Variants in KCNMA1 observed in about 807,000 individuals in gnomAD.
The protein encoded by KCNMA1 is potassium calcium-activated channel subfamily M alpha 1, also known as Calcium-activated potassium channel subunit alpha-1.
In KCNMA1, 29 loss-of-function variants were observed where a neutral mutation model predicts 140.0. The ratio of observed to expected loss-of-function variants is 0.21; its 90% CI spans 0.15 to 0.28. The LOEUF (loss-of-function observed/expected upper bound fraction) is 0.28. Among genes scored for constraint, KCNMA1 ranks in the 10% least tolerant of loss-of-function variants. The pLI, the probability that KCNMA1 is intolerant of heterozygous loss-of-function variation, is 1.00. For synonymous variants in KCNMA1, 612 were observed against 611.9 expected, an observed-to-expected ratio of 1.00 and a Z score of 0.00; for missense variants, 880 against 1,602.2, an observed-to-expected ratio of 0.55 and a Z score of 7.70.
chr10:76,961,715 C>T (rs1463110634), intron 20 of KCNMA1, among the ~76,000 whole-genome samples: 5 of 152,224 alleles, frequency 3.3e-5, no homozygotes, highest in African/African-American at 1.2e-4. Flanking sequence ...CAGACAGCAG[C>T]CACCAACACT....
At chr10:77,173,157 T>C (rs958301411) in intron 5 of KCNMA1, among the ~76,000 whole-genome samples, 3 of 152,214 alleles carry the variant, frequency 2.0e-5, no homozygotes, top group African/African-American at 7.2e-5. Flanking sequence ...ATTGTTTTTA[T>C]TTATTTGGCT....
intron 1 of KCNMA1, among the ~76,000 whole-genome samples, chr10:77,440,586 G>A (rs568156923): frequency 4.9e-4 from 74 of 152,288 alleles, no homozygotes; most frequent in African/African-American, 1.7e-3. Context: ...TGAGATAATA[G>A]TGGGAAAGAT....
chr10:77,000,271 C>G (rs978749086), intron 19 of KCNMA1, among the ~76,000 whole-genome samples: 2 of 152,186 alleles, frequency 1.3e-5, no homozygotes, highest in Non-Finnish European at 2.9e-5. Context: ...ACCTTCTATG[C>G]TACCAAAACA....
At chr10:77,300,786 C>A (rs1365807032) in intron 2 of KCNMA1, among the ~76,000 whole-genome samples, 3 of 152,322 alleles carry the variant, frequency 2.0e-5, no homozygotes, top group Non-Finnish European at 2.9e-5. Flanking sequence ...AAGCCACCAT[C>A]TCCTTTCTTC....
chr10:77,144,092 T>A (rs1401661598), intron 5 of KCNMA1, among the ~76,000 whole-genome samples: 1 of 151,972 alleles, frequency 6.6e-6, no homozygotes, highest in African/African-American at 2.4e-5. Flanking sequence ...GAAAAAAAAA[T>A]ATATGTCCAC....
chr10:77,128,940 G>A (rs760836532), intron 5 of KCNMA1, among the ~76,000 whole-genome samples: 45 of 152,320 alleles, frequency 3.0e-4, no homozygotes, highest in Non-Finnish European at 7.4e-5. Context: ...CTGTTGGTCA[G>A]AAGACCACAC....
At chr10:77,563,258 G>T (rs1444670583) in intron 1 of KCNMA1, among the ~76,000 whole-genome samples, 1 of 152,200 alleles carries the variant, frequency 6.6e-6, no homozygotes, top group Non-Finnish European at 1.5e-5. Context: ...AATAGCCGGG[G>T]TGAGAAGGAG....
At chr10:77,080,044 T>C (rs61866977) in intron 12 of KCNMA1, among the ~76,000 whole-genome samples, 1 of 152,046 alleles carries the variant, frequency 6.6e-6, no homozygotes, top group Non-Finnish European at 1.5e-5. Context: ...GAAGCCACCA[T>C]GAGGAACAAA....
At chr10:76,966,904 A>G (rs1484442473) in intron 20 of KCNMA1, among the ~76,000 whole-genome samples, 1 of 152,216 alleles carries the variant, frequency 6.6e-6, no homozygotes, top group African/African-American at 2.4e-5. Context: ...GGTGACTCAA[A>G]AACATACTAC....
rs371150739 is a variant in KCNMA1, at chr10:77,485,383, G to T, written c.379-81360C>A. Among the ~76,000 whole-genome samples, 34 of 152,254 alleles carry T rather than the reference G, an allele frequency of 2.2e-4. No individual in the cohort carries two copies. The East Asian group carries it at 3.9e-3, about 17-fold the overall frequency. ...TGCTGGTCTAGAATTCACTGTTCCCGTTTCTAATTTCTGATCATTAGAATT... is the reference window on the plus strand; with the variant it reads ...TGCTGGTCTAGAATTCACTGTTCCCTTTTCTAATTTCTGATCATTAGAATT... On this transcript the variant is annotated intron_variant, in intron 1 of 27. Coordinates refer to ENST00000286628, the MANE Select transcript of KCNMA1 (RefSeq NM_001161352.2).
At chr10:77,331,610 G>A (rs1378767296) in intron 2 of KCNMA1, among the ~76,000 whole-genome samples, 8 of 151,282 alleles carry the variant, frequency 5.3e-5, no homozygotes, top group Admixed American at 5.3e-4. Context: ...TTGAGCCCAG[G>A]AGTTCAAGAC....
intron 5 of KCNMA1, among the ~76,000 whole-genome samples, chr10:77,155,707 T>C (rs192401150): frequency 6.2e-4 from 94 of 152,214 alleles, no homozygotes; most frequent in African/African-American, 2.1e-3. Flanking sequence ...AATAAGAAGA[T>C]GCTATGCAAA....
At chr10:77,573,648 GAATA>G (rs1567636513) in intron 1 of KCNMA1, among the ~76,000 whole-genome samples, 1,257 of 48,972 alleles carry the variant, frequency 0.026, 10 homozygotes, top group African/African-American at 0.058. Flanking sequence ...GAATGGAATA[GAATA>G]GAATAGAATA....
chr10:76,977,746 C>G (rs2078100834), intron 19 of KCNMA1: 1 of 659,384 alleles, frequency 1.5e-6, no homozygotes, highest in Non-Finnish European at 2.8e-6. Context: ...TCTACTGTCC[C>G]TACCACCCAA....
intron 22 of KCNMA1, among the ~76,000 whole-genome samples, chr10:76,946,872 C>T (rs991899008): frequency 7.2e-5 from 11 of 152,152 alleles, no homozygotes; most frequent in African/African-American, 2.4e-4. Context: ...TCTGGGCTGG[C>T]CCTATAGGCA....
chr10:77,317,887 C>T (rs11595443), intron 2 of KCNMA1, among the ~76,000 whole-genome samples: 6,431 of 152,262 alleles, frequency 0.042, 208 homozygotes, highest in Non-Finnish European at 0.07. Flanking sequence ...TAGAGATTCA[C>T]GGTTTTGTTT....
chr10:77,388,686 G>A (rs1042396551), intron 2 of KCNMA1, among the ~76,000 whole-genome samples: 3 of 152,180 alleles, frequency 2.0e-5, no homozygotes, highest in Non-Finnish European at 4.4e-5. Flanking sequence ...AAAATCTACA[G>A]CAGAAATAAT....
At chr10:77,473,470 T>C (rs958821931) in intron 1 of KCNMA1, among the ~76,000 whole-genome samples, 4 of 152,200 alleles carry the variant, frequency 2.6e-5, no homozygotes, top group Non-Finnish European at 5.9e-5. Flanking sequence ...ATGTATTCTG[T>C]CCATCCCCAG....
chr10:77,108,192 C>T lies in KCNMA1; in HGVS notation c.1223+289G>A, dbSNP rs1871066. 895,901 of 988,798 alleles carry T rather than the reference C, an allele frequency of 0.91. 407,444 individuals carry two copies. The highest frequency in any genetic ancestry group is 0.97 in the African/African-American group (59,032 of 60,848). The allele number at this position is 988,798 out of a possible 1,614,324, so 61.3% of individuals were successfully genotyped here. A position where few individuals can be genotyped will look rare whatever the true frequency, so the allele number is the denominator to read the frequency against. ...CTGGGCCTTCCCTCACAGAAGCACC[C>T]GGTGGGGTTGGGGAGGGGCAGAATT... On this transcript the variant is annotated intron_variant, in intron 9 of 27. Coordinates refer to ENST00000286628, the MANE Select transcript of KCNMA1 (RefSeq NM_001161352.2). This position sits in a 1 kb window ranked among gnomAD's most constrained non-coding sequence, Gnocchi z 4.6.
Sources: gnomAD v4.1 joint callset for allele counts (sites outside exome capture counted in the v4.1 genomes callset) on GRCh38, gnomAD v4.1.1 for gene constraint, Gnocchi (gnomAD v3.1) non-coding constraint, MANE v1.5 for transcripts, NCBI Gene and HGNC (gene_info 2026-07-23, HGNC 2026-07-21) for gene names.